TANC1: variants seen among roughly 807,000 people sequenced by gnomAD.
The protein encoded by TANC1 is tetratricopeptide repeat, ankyrin repeat and coiled-coil containing 1, also known as protein TANC1.
TANC1 carries 77 observed loss-of-function variants against 149.7 expected under a neutral mutation model. That is an observed-to-expected ratio of 0.51 (90% CI 0.43 to 0.62). The LOEUF (loss-of-function observed/expected upper bound fraction) is 0.62. Among genes scored for constraint, TANC1 ranks in the 20% least tolerant of loss-of-function variants. The pLI, the probability that TANC1 is intolerant of heterozygous loss-of-function variation, is 0.00. For missense variants in TANC1, 1,985 were observed against 2,321.8 expected, an observed-to-expected ratio of 0.85 and a Z score of 2.98; for synonymous variants, 854 against 925.0, an observed-to-expected ratio of 0.92 and a Z score of 1.39.
intron 4 of TANC1, among the ~76,000 whole-genome samples, chr2:159,135,603 T>G (rs2050584094): frequency 6.6e-6 from 1 of 152,252 alleles, no homozygotes; most frequent in Admixed American, 6.5e-5. Flanking sequence ...TGTTGGTCTC[T>G]CCTATGTCTG....
intron 16 of TANC1, among the ~76,000 whole-genome samples, chr2:159,189,308 C>A (rs1420404016): frequency 6.6e-6 from 1 of 152,174 alleles, no homozygotes; most frequent in African/African-American, 2.4e-5. Context: ...AGGTGACTTA[C>A]CTCTGCCCTC....
chr2:159,164,501 G>C (rs2054374879), intron 8 of TANC1, among the ~76,000 whole-genome samples: 1 of 152,170 alleles, frequency 6.6e-6, no homozygotes. Context: ...AGCTCCAGGT[G>C]GGTGGGGAAA....
chr2:159,077,303 C>A (rs976850409), intron 3 of TANC1, among the ~76,000 whole-genome samples: 1 of 152,138 alleles, frequency 6.6e-6, no homozygotes, highest in African/African-American at 2.4e-5. Context: ...TGTCCTAATT[C>A]CATCCTATTC....
chr2:159,205,271 A>T (rs2058523496), intron 19 of TANC1, among the ~76,000 whole-genome samples: 1 of 152,160 alleles, frequency 6.6e-6, no homozygotes, highest in Non-Finnish European at 1.5e-5. Context: ...GAGCACAGGG[A>T]GCTGGATGCC....
Position 159,191,785 on chromosome 2 carries a change from A to G in TANC1, c.2743-2472A>G, listed in dbSNP as rs890987494. On this transcript the variant is annotated intron_variant, in intron 16 of 26. Transcript: ENST00000263635. ...GACATCTATCACTGAAATACCATGA[A>G]GTTTTTATGCCTTGTCATCTCTCTG... 2.0e-5 allele frequency among the ~76,000 whole-genome samples: 3 copies of G among 152,136 alleles called. No homozygotes were observed. In the South Asian group the frequency reaches 6.2e-4, roughly 32 times the overall value.
intron 7 of TANC1, among the ~76,000 whole-genome samples, chr2:159,153,966 T>C (rs1052454564): frequency 2.0e-5 from 3 of 152,198 alleles, no homozygotes; most frequent in Admixed American, 6.5e-5. Flanking sequence ...GACCTAACAG[T>C]GGCTTGTAAA....
At chr2:159,192,039 T>A (rs62171135) in intron 16 of TANC1, among the ~76,000 whole-genome samples, 7,809 of 152,236 alleles carry the variant, frequency 0.051, 347 homozygotes, top group African/African-American at 0.12. Context: ...AAAAATATTA[T>A]TATACCTAAA....
chr2:159,225,494 C>T (rs767073417), intron 23 of TANC1, 194 bp from the exon 24 acceptor site: 4 of 600,870 alleles, frequency 6.7e-6, no homozygotes, highest in Non-Finnish European at 1.2e-5. Context: ...ATAACAAGGA[C>T]AGATTTGAGT....
intron 2 of TANC1, among the ~76,000 whole-genome samples, chr2:159,040,237 TG>T (rs2040523292): frequency 1.3e-5 from 2 of 152,240 alleles, no homozygotes; most frequent in South Asian, 4.1e-4. Flanking sequence ...TTTTTGAGCC[TG>T]GGGGTTGCTC....
At chr2:159,203,722 A>G (rs2058413564) in intron 19 of TANC1, among the ~76,000 whole-genome samples, 1 of 151,824 alleles carries the variant, frequency 6.6e-6, no homozygotes, top group African/African-American at 2.4e-5. Context: ...ATGAGCCACC[A>G]CACCTGGCTA....
intron 3 of TANC1, among the ~76,000 whole-genome samples, chr2:159,084,430 TTAAA>T (rs1426595479): frequency 2.0e-5 from 3 of 152,154 alleles, no homozygotes; most frequent in Non-Finnish European, 4.4e-5. Context: ...GGAAGAAACT[TTAAA>T]TACTGCCTAG....
At chr2:159,141,318 G>A (rs998462988) in intron 5 of TANC1, among the ~76,000 whole-genome samples, 14 of 152,144 alleles carry the variant, frequency 9.2e-5, no homozygotes. Flanking sequence ...TATAGTACGT[G>A]GCAACAGAGT....
chr2:159,198,406 C>A (rs2058018982), intron 18 of TANC1, among the ~76,000 whole-genome samples: 2 of 152,162 alleles, frequency 1.3e-5, no homozygotes, highest in Admixed American at 1.3e-4. Context: ...GCTGCTGTTG[C>A]TCAGGGTGAA....
chr2:159,140,750 G>A (rs969923742), intron 5 of TANC1, among the ~76,000 whole-genome samples: 2 of 147,762 alleles, frequency 1.4e-5, no homozygotes, highest in Non-Finnish European at 3.0e-5. Flanking sequence ...GAGTGCAGTG[G>A]CACAGTCTCG....
intron 1 of TANC1, among the ~76,000 whole-genome samples, chr2:158,985,966 C>T (rs1054510613): frequency 1.3e-5 from 2 of 152,128 alleles, no homozygotes; most frequent in Non-Finnish European, 2.9e-5. Context: ...GATTGGTTGT[C>T]GTGAATCTTG....
intron 2 of TANC1, among the ~76,000 whole-genome samples, chr2:159,037,816 T>C (rs2040319540): frequency 6.6e-6 from 1 of 152,236 alleles, no homozygotes; most frequent in Non-Finnish European, 1.5e-5. Flanking sequence ...TCTTTTTGCT[T>C]AGGATTGCCT....
intron 24 of TANC1, chr2:159,226,046 T>A (rs1164743083): frequency 2.1e-5 from 9 of 420,676 alleles, no homozygotes; most frequent in Admixed American, 3.9e-5. Context: ...GCCAGGTGCC[T>A]GTAATCCCAG....
Position 159,169,363 on chromosome 2 carries a change from G to C in TANC1, c.1060G>C (p.Glu354Gln). The change falls in exon 9 of 27, where the codon GAA becomes CAA. Residue 354 changes from glutamate (E) to glutamine (Q), a missense_variant. This residue lies in a region of TANC1 where 557 missense variants were observed against 612.9 expected (regional missense o/e 0.91). Coordinates refer to ENST00000263635, the MANE Select transcript of TANC1 (RefSeq NM_033394.3). ...WHNTAGGRAQ[E>Q]VKARFAPYKP... ...CAATACGGCCGGAGGTAGGGCACAGGAAGTTAAAGGTATTTATCCTGGCAT... is the reference window on the plus strand; with the variant it reads ...CAATACGGCCGGAGGTAGGGCACAGCAAGTTAAAGGTATTTATCCTGGCAT... The C allele has an allele frequency of 1.2e-6, 2 of 1,613,820 alleles. No individual in the cohort carries two copies. The highest frequency in any genetic ancestry group is 1.7e-6 in the Non-Finnish European group (2 of 1,179,870).
In TANC1 at chr2:159,046,755, C is replaced by T. The variant is rs2041088477; in HGVS notation, c.-15-19141C>T. Among the ~76,000 whole-genome samples the T allele has an allele frequency of 2.0e-5, 3 of 150,748 alleles. No homozygotes were observed. In the South Asian group the frequency reaches 6.5e-4, roughly 33 times the overall value. On this transcript the variant is annotated intron_variant, in intron 2 of 26. Coordinates refer to ENST00000263635, the MANE Select transcript of TANC1 (RefSeq NM_033394.3). The stretch of plus-strand genomic sequence containing the variant: ...AGCTAGGAGTACAGGCGCGAGGCAC[C>T]AGGCCTGGCTAATTTTTTTTGTATT...
Sources: gnomAD v4.1 joint callset for allele counts (sites outside exome capture counted in the v4.1 genomes callset) on GRCh38, gnomAD v4.1.1 for gene constraint, gnomAD v4.1.1 regional missense constraint, MANE v1.5 for transcripts, NCBI Gene and HGNC (gene_info 2026-07-23, HGNC 2026-07-21) for gene names.